Variants in ENTHD1 observed in about 807,000 individuals in gnomAD.
ENTHD1 encodes the protein ENTH domain containing 1.
ENTHD1 carries 23 observed loss-of-function variants against 39.1 expected under a neutral mutation model. That is an observed-to-expected ratio of 0.59 (90% CI 0.42 to 0.83). The LOEUF (loss-of-function observed/expected upper bound fraction) is 0.83, where lower values mean the gene tolerates loss of function less well. Among genes scored for constraint, ENTHD1 ranks in the 40% least tolerant of loss-of-function variants. The pLI is 0.00. For missense variants in ENTHD1, 624 were observed against 705.4 expected (o/e 0.88, Z 1.31); for synonymous variants, 230 against 258.2 (o/e 0.89, Z 1.05).
At chr22:39,879,405 G>A (rs2066316804) in intron 2 of ENTHD1, among the ~76,000 whole-genome samples, 1 of 143,668 alleles carries the variant, frequency 7.0e-6, no homozygotes, top group African/African-American at 2.6e-5. Context: ...AGAGCTTGCG[G>A]TGAGCCAAGA....
chr22:39,780,147 G>A (rs968269147), intron 5 of ENTHD1, among the ~76,000 whole-genome samples: 2 of 152,180 alleles, frequency 1.3e-5, no homozygotes, highest in African/African-American at 4.8e-5. Context: ...GCCAAGGCAG[G>A]TGGATCACTT....
intron 2 of ENTHD1, among the ~76,000 whole-genome samples, chr22:39,862,546 C>CAAAA (rs553393294): frequency 2.8e-5 from 2 of 70,370 alleles, no homozygotes; most frequent in African/African-American, 5.6e-5. Context: ...GACTCTGTCT[C>CAAAA]AAAAAAAAAA....
chr22:39,857,243 G>C (rs2066099068), intron 3 of ENTHD1, among the ~76,000 whole-genome samples: 1 of 151,816 alleles, frequency 6.6e-6, no homozygotes, highest in Admixed American at 6.6e-5. Flanking sequence ...AGGAGTTCGA[G>C]ACCACCCTGA....
chr22:39,772,555 T>A (rs1480792870), intron 5 of ENTHD1, among the ~76,000 whole-genome samples: 2 of 152,108 alleles, frequency 1.3e-5, no homozygotes, highest in African/African-American at 4.8e-5. Context: ...ATTATTGACT[T>A]AGCTCAAAAG....
At chr22:39,779,857 A>G (rs1281407960) in intron 5 of ENTHD1, among the ~76,000 whole-genome samples, 2 of 152,172 alleles carry the variant, frequency 1.3e-5, no homozygotes, top group Non-Finnish European at 2.9e-5. Flanking sequence ...ATAAGTTGTC[A>G]TCTCTTTAAA....
intron 3 of ENTHD1, among the ~76,000 whole-genome samples, chr22:39,852,561 C>T (rs2066051243): frequency 6.6e-6 from 1 of 152,232 alleles, no homozygotes; most frequent in South Asian, 2.1e-4. Flanking sequence ...ATAGAGTGTA[C>T]TTACACACAT....
At chr22:39,843,926 G>C (rs1045168442) in intron 3 of ENTHD1, among the ~76,000 whole-genome samples, 1 of 152,158 alleles carries the variant, frequency 6.6e-6, no homozygotes, top group African/African-American at 2.4e-5. Context: ...GGATCTGGGA[G>C]ACACACCACA....
At chr22:39,797,203 A>G (rs922889032) in intron 5 of ENTHD1, among the ~76,000 whole-genome samples, 2 of 152,196 alleles carry the variant, frequency 1.3e-5, no homozygotes, top group East Asian at 1.9e-4. Flanking sequence ...GGTTTCCATC[A>G]GCATGAAATA....
At chr22:39,783,517 G>A (rs964008316) in intron 5 of ENTHD1, among the ~76,000 whole-genome samples, 8 of 152,008 alleles carry the variant, frequency 5.3e-5, no homozygotes, top group African/African-American at 1.9e-4. Context: ...CAAAACTAGA[G>A]TAACCAAATC....
chr22:39,866,986 T>C (rs1229928623), intron 2 of ENTHD1, among the ~76,000 whole-genome samples: 2 of 152,138 alleles, frequency 1.3e-5, no homozygotes, highest in African/African-American at 4.8e-5. Flanking sequence ...CACCGCCAGC[T>C]CTGCCTCCTG....
chr22:39,757,494 T>C (rs758732167), intron 6 of ENTHD1, among the ~76,000 whole-genome samples: 1 of 152,012 alleles, frequency 6.6e-6, no homozygotes, highest in Non-Finnish European at 1.5e-5. Flanking sequence ...CTGGTCAACA[T>C]GGCGAAACCC....
chr22:39,812,010 AC>A (rs1410561840), intron 5 of ENTHD1, among the ~76,000 whole-genome samples: 3 of 24,294 alleles, frequency 1.2e-4, no homozygotes, highest in African/African-American at 5.9e-4. Context: ...AAACAAACAA[AC>A]AAACAAAAAA....
chr22:39,861,189 A>T (rs2066136784), intron 3 of ENTHD1, among the ~76,000 whole-genome samples: 3 of 152,192 alleles, frequency 2.0e-5, no homozygotes, highest in Admixed American at 2.0e-4. Context: ...CTAGTTTAAT[A>T]CCTTAAAAGC....
chr22:39,834,334 T>C (rs1455408242), intron 4 of ENTHD1, among the ~76,000 whole-genome samples: 1 of 152,128 alleles, frequency 6.6e-6, no homozygotes, highest in African/African-American at 2.4e-5. Context: ...TGTGAACATA[T>C]GAATAAGGTC....
intron 5 of ENTHD1, among the ~76,000 whole-genome samples, chr22:39,807,405 T>C (rs2065651357): frequency 6.6e-6 from 1 of 152,150 alleles, no homozygotes; most frequent in African/African-American, 2.4e-5. Flanking sequence ...GTGGCCTGAC[T>C]GAACAATAAA....
chr22:39,799,544 G>A (rs1361058679), intron 5 of ENTHD1, among the ~76,000 whole-genome samples: 2 of 152,122 alleles, frequency 1.3e-5, no homozygotes, highest in Non-Finnish European at 1.5e-5. Context: ...GACGGGTCCT[G>A]CACGCAGGTT....
At chr22:39,780,795 G>A (rs1013745705) in intron 5 of ENTHD1, among the ~76,000 whole-genome samples, 1 of 152,142 alleles carries the variant, frequency 6.6e-6, no homozygotes, top group African/African-American at 2.4e-5. Context: ...TCAGGAGATT[G>A]AGACCATGCT....
At chr22:39,855,436 T>G (rs2066077203) in intron 3 of ENTHD1, among the ~76,000 whole-genome samples, 1 of 152,204 alleles carries the variant, frequency 6.6e-6, no homozygotes, top group South Asian at 2.1e-4. Flanking sequence ...ACCATTATTG[T>G]AGAAATGATT....
At chr22:39,805,088 C>T (rs1268753276) in intron 5 of ENTHD1, among the ~76,000 whole-genome samples, 1 of 152,202 alleles carries the variant, frequency 6.6e-6, no homozygotes, top group African/African-American at 2.4e-5. Flanking sequence ...ATCTATCCAA[C>T]AAGTATTTCT....
Sources: gnomAD v4.1 joint callset for allele counts (sites outside exome capture counted in the v4.1 genomes callset) on GRCh38, gnomAD v4.1.1 for gene constraint, MANE v1.5 for transcripts, NCBI Gene and HGNC (gene_info 2026-07-23, HGNC 2026-07-21) for gene names.